PCDHGA4: variants seen among roughly 807,000 people sequenced by gnomAD.
PCDHGA4 encodes protocadherin gamma subfamily A, 4.
PCDHGA4 carries 38 observed loss-of-function variants against 54.6 expected under a neutral mutation model. The ratio of observed to expected loss-of-function variants is 0.70; its 90% confidence interval spans 0.54 to 0.91. The LOEUF is 0.91. Ranked by LOEUF, PCDHGA4 falls within the 40% of genes least tolerant of loss-of-function variation. The probability of loss-of-function intolerance (pLI) is 0.00; values close to 1 mark genes in which losing one functional copy is unlikely to be tolerated. For missense variants in PCDHGA4, 1,298 were observed against 1,220.9 expected, an observed-to-expected ratio of 1.06 and a Z score of -0.94; for synonymous variants, 511 against 512.9, an observed-to-expected ratio of 1.00 and a Z score of 0.05.
At chr5:141,409,153 G>A in intron 1 of PCDHGA4, 1 of 1,614,026 alleles carries the variant, frequency 6.2e-7, no homozygotes. Context: ...GGTACACCAT[G>A]GAAGTGGAAG....
chr5:141,457,495 T>C (rs2098922394), intron 1 of PCDHGA4, among the ~76,000 whole-genome samples: 1 of 152,204 alleles, frequency 6.6e-6, no homozygotes, highest in Admixed American at 6.5e-5. Context: ...GTCTAAAATG[T>C]AGGCAAAAAG....
At chr5:141,373,914 G>C (rs1769957437) in intron 1 of PCDHGA4, 1 of 640,042 alleles carries the variant, frequency 1.6e-6, no homozygotes, top group African/African-American at 1.9e-5. Flanking sequence ...CAACAACAAA[G>C]CAAATTAGAC....
chr5:141,356,671 CT>C lies in PCDHGA4; in HGVS notation c.1565del (p.Leu522ArgfsTer41), dbSNP rs779707398. 2 of 1,614,056 alleles carry C rather than the reference CT, an allele frequency of 1.2e-6. No individual in the cohort carries two copies. The highest frequency in any genetic ancestry group is 1.7e-6 in the Non-Finnish European group (2 of 1,179,922). On this transcript the variant is annotated frameshift_variant, in exon 1 of 4. Transcript: ENST00000571252. LOFTEE classifies it high-confidence loss of function. ...TGACAATGCCCGAATCACTTACTCC[CT>C]GGCCGAAGACACCTTCCAGGGTGCA... ...SGDNARITYSLAEDTFQGAPL... is the reference protein window; with the variant it reads ...SGDNARITYSXAEDTFQGAPL...
chr5:141,414,568 A>G (rs1349020199), intron 1 of PCDHGA4: 2 of 1,613,914 alleles, frequency 1.2e-6, no homozygotes, highest in South Asian at 1.1e-5. Context: ...CTTTACCTAT[A>G]TCCCAGAGAA....
chr5:141,356,291 C>T lies in PCDHGA4; in HGVS notation c.1184C>T (p.Thr395Ile). 1 of 1,555,506 alleles carries T rather than the reference C, an allele frequency of 6.4e-7. No individual in the cohort carries two copies. Among genetic ancestry groups the T allele is most frequent in the South Asian group, 1.2e-5 (1 of 84,534 alleles). The change falls in exon 1 of 4, where the codon ACA becomes ATA. Residue 395 changes from threonine to isoleucine, a missense_variant. By Grantham distance (89) the Thr-to-Ile change is moderately conservative. Coordinates refer to ENST00000571252, the MANE Select transcript of PCDHGA4 (RefSeq NM_018917.4). Reference sequence around the variant, plus strand: ...GTCCAGGAATCTTCTTCCCCGGGTACAGTAATTGCACTTTTCAACGTGCAT... The same window carrying T: ...GTCCAGGAATCTTCTTCCCCGGGTATAGTAATTGCACTTTTCAACGTGCAT... ...SSVQESSSPGTVIALFNVHDS... is the reference protein window; with the variant it reads ...SSVQESSSPGIVIALFNVHDS...
At chr5:141,446,493 T>C (rs1416449558) in intron 1 of PCDHGA4, among the ~76,000 whole-genome samples, 2 of 152,152 alleles carry the variant, frequency 1.3e-5, no homozygotes. Flanking sequence ...TTTTTTTTTT[T>C]TGAGATGGAG....
chr5:141,361,410 C>A (rs759239364), intron 1 of PCDHGA4: 2 of 1,614,052 alleles, frequency 1.2e-6, no homozygotes, highest in South Asian at 2.2e-5. Flanking sequence ...TCACAGCCAC[C>A]GACGGGGGCA....
intron 1 of PCDHGA4, chr5:141,383,006 C>A (rs751850819): frequency 1.9e-6 from 3 of 1,613,640 alleles, no homozygotes; most frequent in Non-Finnish European, 2.5e-6. Context: ...TACTCCGTGT[C>A]GGAGGAGACG....
intron 2 of PCDHGA4, among the ~76,000 whole-genome samples, chr5:141,501,166 C>T (rs1443045812): frequency 6.6e-6 from 1 of 152,154 alleles, no homozygotes; most frequent in African/African-American, 2.4e-5. Flanking sequence ...CATCCCCAGC[C>T]TCATTTACAT....
chr5:141,480,955 G>A (rs2154578440), intron 1 of PCDHGA4, among the ~76,000 whole-genome samples: 1 of 152,304 alleles, frequency 6.6e-6, no homozygotes, highest in South Asian at 2.1e-4. Context: ...TGAGGCGGAA[G>A]CATCAGTGAG....
intron 1 of PCDHGA4, chr5:141,366,742 G>T (rs762560261): frequency 1.2e-6 from 2 of 1,611,864 alleles, no homozygotes; most frequent in East Asian, 2.2e-5. Flanking sequence ...AAGAAGAACG[G>T]CGAGTTCAGG....
intron 1 of PCDHGA4, chr5:141,393,324 CA>C (rs2092729145): frequency 6.2e-7 from 1 of 1,611,096 alleles, no homozygotes; most frequent in African/African-American, 1.4e-5. Context: ...CCAGAGCTAC[CA>C]GCTCAGCCCC....
chr5:141,398,586 A>C, intron 1 of PCDHGA4: 1 of 1,614,054 alleles, frequency 6.2e-7, no homozygotes, highest in Admixed American at 1.7e-5. Flanking sequence ...CAAGATTTAT[A>C]CTAGAAGTAG....
rs1436956912 is a variant in PCDHGA4, at chr5:141,438,609, TATATATATATATATATATATATATATAC to T, written c.2515-56196_2515-56169del. Reference sequence around the variant, plus strand: ...ATACATACATATATATATATATATATATATATATATATATATATATATATATACACACACACACACACATATATGTATA... The same window carrying T: ...ATACATACATATATATATATATATATACACACACACACACATATATGTATA... On this transcript the variant is annotated intron_variant, in intron 1 of 3. Coordinates refer to ENST00000571252, the MANE Select transcript of PCDHGA4 (RefSeq NM_018917.4). Among the ~76,000 whole-genome samples the T allele has an allele frequency of 2.2e-3, 92 of 41,082 alleles. 2 individuals are homozygous for T. Among genetic ancestry groups the T allele is most frequent in the East Asian group, 7.4e-3 (6 of 810 alleles). The allele number at this position is 41,082 out of a possible 152,430, so 27.0% of individuals were successfully genotyped here.
intron 1 of PCDHGA4, chr5:141,364,707 T>C: frequency 5.6e-6 from 9 of 1,613,986 alleles, no homozygotes; most frequent in Non-Finnish European, 7.6e-6. Flanking sequence ...ATAATCGATA[T>C]TAATGATAAC....
chr5:141,375,862 G>A (rs759161440), intron 1 of PCDHGA4: 2 of 1,613,976 alleles, frequency 1.2e-6, no homozygotes, highest in Admixed American at 1.7e-5. Context: ...AGGTGGTGGC[G>A]GTGGACAGAG....
intron 1 of PCDHGA4, chr5:141,416,818 C>T (rs766541497): frequency 9.9e-5 from 15 of 151,960 alleles, no homozygotes; most frequent in Admixed American, 2.6e-4. Flanking sequence ...AAAAGCATTC[C>T]GAAGTTTCTC....
intron 1 of PCDHGA4, chr5:141,418,934 G>T (rs1163951447): frequency 6.2e-7 from 1 of 1,614,056 alleles, no homozygotes; most frequent in African/African-American, 1.3e-5. Context: ...GATTATGGAG[G>T]ATTCCCCTCC....
At position 141,431,595 on chromosome 5, in the gene PCDHGA4, A is replaced by G; in HGVS notation, c.2515-63212A>G. The G allele has an allele frequency of 6.2e-7, 1 of 1,614,218 alleles. No homozygotes were observed. The highest frequency in any genetic ancestry group is 8.5e-7 in the Non-Finnish European group (1 of 1,180,034). On this transcript the variant is annotated intron_variant, in intron 1 of 3. Transcript: ENST00000571252. The surrounding 1 kb of genome is among the most constrained non-coding windows in gnomAD (Gnocchi z 4.8). Reference sequence around the variant, plus strand: ...GAAGGAGTCAATGCGGAAGTGAGGTATTCCTTCCGGTATGTGGACGACAAG... The same window carrying G: ...GAAGGAGTCAATGCGGAAGTGAGGTGTTCCTTCCGGTATGTGGACGACAAG...
Sources: gnomAD v4.1 joint callset for allele counts (sites outside exome capture counted in the v4.1 genomes callset) on GRCh38, gnomAD v4.1.1 for gene constraint, Gnocchi (gnomAD v3.1) non-coding constraint, MANE v1.5 for transcripts, NCBI Gene and HGNC (gene_info 2026-07-23, HGNC 2026-07-21) for gene names.